The following LIN28B variants were observed in gnomAD, a reference collection of about 807,000 sequenced individuals.
LIN28B encodes protein lin-28 homolog B.
A neutral mutation model predicts 21.9 loss-of-function variants in LIN28B; 5 were observed. That is an observed-to-expected ratio of 0.23 (90% CI 0.12 to 0.48). LIN28B has a LOEUF of 0.48. Among genes scored for constraint, LIN28B ranks in the 20% least tolerant of loss-of-function variants. The probability of loss-of-function intolerance (pLI) is 0.98; values close to 1 mark genes in which losing one functional copy is unlikely to be tolerated. For synonymous variants in LIN28B, 109 were observed against 111.3 expected (o/e 0.98, Z 0.13); for missense variants, 245 against 310.5 (o/e 0.79, Z 1.58).
At chr6:105,015,355 T>C (rs1312797877) in intron 2 of LIN28B, among the ~76,000 whole-genome samples, 1 of 152,214 alleles carries the variant, frequency 6.6e-6, no homozygotes, top group Non-Finnish European at 1.5e-5. Flanking sequence ...AGCCTTATTA[T>C]TGTTTACATG....
chr6:104,987,789 G>T (rs1240680376), intron 2 of LIN28B, among the ~76,000 whole-genome samples: 1 of 152,016 alleles, frequency 6.6e-6, no homozygotes, highest in East Asian at 1.9e-4. Flanking sequence ...CTGTCCCCCA[G>T]GGTGGAGTGC....
intron 1 of LIN28B, 75 bp downstream of exon 1, chr6:104,957,335 T>C (rs1778304873): frequency 1.3e-6 from 1 of 770,466 alleles, no homozygotes; most frequent in Non-Finnish European, 1.9e-6. Flanking sequence ...CTCCCACCCT[T>C]CTTAGACCGT....
intron 3 of LIN28B, among the ~76,000 whole-genome samples, chr6:105,046,691 T>G (rs921320862): frequency 6.6e-6 from 1 of 152,146 alleles, no homozygotes; most frequent in Non-Finnish European, 1.5e-5. Context: ...GTTTCCTGAC[T>G]TTTTAATGAT....
chr6:105,039,914 C>A (rs1221732060), intron 3 of LIN28B, among the ~76,000 whole-genome samples: 2 of 152,110 alleles, frequency 1.3e-5, no homozygotes, highest in Non-Finnish European at 2.9e-5. Flanking sequence ...ACTCAAACTT[C>A]CTAAGCAGTG....
Position 105,082,262 on chromosome 6 carries a change from T to C in LIN28B, c.*3479T>C, listed in dbSNP as rs530737452. 4 of 152,660 alleles carry C rather than the reference T, an allele frequency of 2.6e-5. No individual in the cohort carries two copies. The highest frequency in any genetic ancestry group is 7.2e-5 in the African/African-American group (3 of 41,476). 9.5% of individuals were successfully genotyped at this position (152,660 alleles called of 1,614,324 possible). A position where few individuals can be genotyped will look rare whatever the true frequency, so the allele number is the denominator to read the frequency against. On this transcript the variant is annotated 3_prime_UTR_variant, in exon 4 of 4. Coordinates refer to ENST00000345080, the MANE Select transcript of LIN28B (RefSeq NM_001004317.4). The stretch of plus-strand genomic sequence containing the variant: ...AAAAAGATCAAGAAATGTCATGTTA[T>C]TAGCATCAGTCCACCTCCAATATTG...
intron 2 of LIN28B, among the ~76,000 whole-genome samples, chr6:104,962,298 A>G (rs1241718522): frequency 6.6e-6 from 1 of 152,058 alleles, no homozygotes; most frequent in Non-Finnish European, 1.5e-5. Context: ...AATGACTGCA[A>G]TTTAGCTACC....
At chr6:105,037,271 G>T (rs1771539042) in intron 3 of LIN28B, among the ~76,000 whole-genome samples, 1 of 152,060 alleles carries the variant, frequency 6.6e-6, no homozygotes, top group African/African-American at 2.4e-5. Flanking sequence ...CAATCTAGGG[G>T]AATCACAAAG....
chr6:105,013,784 C>G (rs1042034358), intron 2 of LIN28B, among the ~76,000 whole-genome samples: 4 of 151,816 alleles, frequency 2.6e-5, no homozygotes, highest in African/African-American at 4.8e-5. Context: ...ACAACTTAAT[C>G]TGATCTATTT....
intron 2 of LIN28B, among the ~76,000 whole-genome samples, chr6:105,016,466 T>TTA (rs1201793735): frequency 6.6e-6 from 1 of 152,294 alleles, no homozygotes; most frequent in East Asian, 1.9e-4. Flanking sequence ...CCAGAGAATG[T>TTA]TATATTAAGC....
At chr6:104,977,661 A>G (rs1375059932) in intron 2 of LIN28B, among the ~76,000 whole-genome samples, 2 of 152,084 alleles carry the variant, frequency 1.3e-5, no homozygotes, top group African/African-American at 4.8e-5. Context: ...TCCACCTCCC[A>G]GGTTCAAGTG....
intron 2 of LIN28B, among the ~76,000 whole-genome samples, chr6:105,016,785 G>A (rs529331808): frequency 1.8e-4 from 28 of 152,178 alleles, no homozygotes; most frequent in African/African-American, 6.0e-4. Flanking sequence ...GGCAGAGCGC[G>A]GTGGCTCATG....
At chr6:104,949,751 T>C (rs1259678037) in intron 2 of LIN28B, among the ~76,000 whole-genome samples, 1 of 152,220 alleles carries the variant, frequency 6.6e-6, no homozygotes, top group Non-Finnish European at 1.5e-5. Flanking sequence ...ATCACTATAC[T>C]TGATTACTGT....
chr6:104,992,000 G>T (rs908465649), intron 2 of LIN28B, among the ~76,000 whole-genome samples: 1 of 148,106 alleles, frequency 6.8e-6, no homozygotes, highest in African/African-American at 2.5e-5. Flanking sequence ...GGAGACCGTG[G>T]AAAGAGGGAG....
chr6:105,081,687 C>T lies in LIN28B; in HGVS notation c.*2904C>T, dbSNP rs1327496674. ...ACTGTTCAACTTAAGCAAAACAGAACACGGAAGCAGTCTTAGAAGCACCAC... is the reference window on the plus strand; with the variant it reads ...ACTGTTCAACTTAAGCAAAACAGAATACGGAAGCAGTCTTAGAAGCACCAC... On this transcript the variant is annotated 3_prime_UTR_variant, in exon 4 of 4. Coordinates refer to ENST00000345080, the MANE Select transcript of LIN28B (RefSeq NM_001004317.4). 2 of 152,268 alleles carry T rather than the reference C, an allele frequency of 1.3e-5. No individual in the cohort carries two copies. The highest frequency in any genetic ancestry group is 4.1e-4 in the South Asian group (2 of 4,822). 9.4% of individuals were successfully genotyped at this position (152,268 alleles called of 1,614,324 possible).
intron 3 of LIN28B, among the ~76,000 whole-genome samples, chr6:105,061,752 G>A (rs1772124824): frequency 1.3e-5 from 2 of 152,128 alleles, no homozygotes; most frequent in Admixed American, 6.5e-5. Context: ...AACCCAGAGA[G>A]ATTAGGTGGT....
At chr6:105,070,122 G>C (rs745952947) in intron 3 of LIN28B, among the ~76,000 whole-genome samples, 4 of 152,128 alleles carry the variant, frequency 2.6e-5, no homozygotes, top group Non-Finnish European at 5.9e-5. Context: ...ACTTGAGTTT[G>C]TTAATAGCTG....
intron 2 of LIN28B, 42 bp from the exon 3 acceptor site, chr6:105,026,256 T>G: frequency 9.2e-7 from 1 of 1,087,284 alleles, no homozygotes; most frequent in Non-Finnish European, 1.3e-6. Flanking sequence ...ATGATAATTT[T>G]AATCTCTCTT....
At chr6:105,025,576 T>C (rs1425706482) in intron 2 of LIN28B, among the ~76,000 whole-genome samples, 4 of 152,168 alleles carry the variant, frequency 2.6e-5, no homozygotes, top group African/African-American at 9.7e-5. Context: ...AAAACGACTC[T>C]TTAGTGTCTG....
chr6:104,938,087 A>G (rs1778032536), intron 2 of LIN28B, among the ~76,000 whole-genome samples: 2 of 150,302 alleles, frequency 1.3e-5, no homozygotes, highest in East Asian at 1.9e-4. Flanking sequence ...AATTAGGCAG[A>G]AAAAAACCAA....
Sources: allele counts gnomAD v4.1 joint callset (sites outside exome capture counted in the v4.1 genomes callset), GRCh38; gene constraint gnomAD v4.1.1; transcripts MANE v1.5; gene names NCBI Gene and HGNC (gene_info 2026-07-23, HGNC 2026-07-21).